ZNF609: variants seen among roughly 807,000 people sequenced by gnomAD.
The protein encoded by ZNF609 is zinc finger protein 609.
ZNF609 carries 11 observed loss-of-function variants against 109.5 expected under a neutral mutation model. The ratio of observed to expected loss-of-function variants is 0.10; its 90% confidence interval spans 0.06 to 0.17. ZNF609 has a LOEUF of 0.17. Ranked by LOEUF, ZNF609 falls within the 10% of genes least tolerant of loss-of-function variation. ZNF609 has a pLI of 1.00. For synonymous variants in ZNF609, 646 were observed against 662.0 expected, an observed-to-expected ratio of 0.98 and a Z score of 0.37; for missense variants, 1,559 against 1,772.4, an observed-to-expected ratio of 0.88 and a Z score of 2.16.
At chr15:64,581,800 A>G (rs1271563614) in intron 2 of ZNF609, among the ~76,000 whole-genome samples, 2 of 152,126 alleles carry the variant, frequency 1.3e-5, no homozygotes, top group Non-Finnish European at 2.9e-5. Flanking sequence ...ATGCTCTTAG[A>G]TTGTTGTAAG....
At chr15:64,590,486 T>A (rs1895274895) in intron 2 of ZNF609, among the ~76,000 whole-genome samples, 1 of 152,078 alleles carries the variant, frequency 6.6e-6, no homozygotes, top group African/African-American at 2.4e-5. Flanking sequence ...CACACCCAGC[T>A]AATTTTTGTG....
chr15:64,479,717 G>A (rs1893224948), intron 1 of ZNF609, among the ~76,000 whole-genome samples: 2 of 151,996 alleles, frequency 1.3e-5, no homozygotes, highest in South Asian at 2.1e-4. Context: ...TCAGGAGTTC[G>A]AGACTAGCCT....
chr15:64,540,751 T>A (rs936090390), intron 2 of ZNF609, among the ~76,000 whole-genome samples: 2 of 148,376 alleles, frequency 1.3e-5, no homozygotes, highest in Non-Finnish European at 3.0e-5. Flanking sequence ...TGTGTCTGGC[T>A]GGGCGCGGTG....
chr15:64,594,335 A>AT (rs35919259), intron 2 of ZNF609, among the ~76,000 whole-genome samples: 6,573 of 145,110 alleles, frequency 0.045, 457 homozygotes, highest in African/African-American at 0.15. Flanking sequence ...AATGCTCAAA[A>AT]TTTTTTTTTT....
chr15:64,645,024 C>CCTTCCTTTCTTCCTTCCTTTCTTT (rs1337933508), intron 3 of ZNF609, among the ~76,000 whole-genome samples: 12 of 141,532 alleles, frequency 8.5e-5, no homozygotes, highest in South Asian at 2.3e-4. Context: ...TTCCTTCCTT[C>CCTTCCTTTCTTCCTTCCTTTCTTT]CTTCCTTTCT....
At chr15:64,588,008 G>T (rs1051303265) in intron 2 of ZNF609, among the ~76,000 whole-genome samples, 6 of 151,694 alleles carry the variant, frequency 4.0e-5, no homozygotes, top group Non-Finnish European at 8.8e-5. Flanking sequence ...CCAAAGTGCT[G>T]AGATAACAGG....
At chr15:64,619,587 C>T (rs774932407) in intron 2 of ZNF609, among the ~76,000 whole-genome samples, 1 of 152,154 alleles carries the variant, frequency 6.6e-6, no homozygotes, top group Non-Finnish European at 1.5e-5. Flanking sequence ...TGGATTTCGT[C>T]GCTTCTCCCC....
At chr15:64,601,071 G>C (rs1895490443) in intron 2 of ZNF609, among the ~76,000 whole-genome samples, 1 of 152,090 alleles carries the variant, frequency 6.6e-6, no homozygotes, top group Non-Finnish European at 1.5e-5. Context: ...TTACCCAACA[G>C]GTTGCCAAGT....
At position 64,577,230 on chromosome 15, in the gene ZNF609, AATAC is replaced by A. The variant is rs201054451; in HGVS notation, c.748-45589_748-45586del. Among the ~76,000 whole-genome samples the A allele has an allele frequency of 0.023, 343 of 14,664 alleles. 51 individuals are homozygous for A. In the East Asian group the frequency reaches 0.25, roughly 11 times the overall value. The allele number at this position is 14,664 out of a possible 152,430, so 9.6% of individuals were successfully genotyped here. On this transcript the variant is annotated intron_variant, in intron 2 of 9. Transcript: ENST00000326648. ...ATATATATGTATATATATACACACA[AATAC>A]ATACATATATATGTATATATATACA...
rs115092858 is a variant in ZNF609 at position 64,527,941 on chromosome 15, A to C, written c.747+27775A>C. Among the ~76,000 whole-genome samples the C allele has an allele frequency of 2.4e-3, 365 of 152,274 alleles. 2 individuals are homozygous for C. Among genetic ancestry groups the C allele is most frequent in the African/African-American group, 8.5e-3 (352 of 41,550 alleles). ...TTTCCCACTTGTCATTCAGGATCCAACTTAAATATCACTTTCTCTTTACAG... is the reference window on the plus strand; with the variant it reads ...TTTCCCACTTGTCATTCAGGATCCACCTTAAATATCACTTTCTCTTTACAG... On this transcript the variant is annotated intron_variant, in intron 2 of 9. Coordinates refer to ENST00000326648, the MANE Select transcript of ZNF609 (RefSeq NM_015042.2).
intron 2 of ZNF609, among the ~76,000 whole-genome samples, chr15:64,565,232 G>GTATTATTATTAT (rs60734525): frequency 0.024 from 3,366 of 138,634 alleles, 117 homozygotes; most frequent in African/African-American, 0.069. Flanking sequence ...GCTAATTTTT[G>GTATTATTATTAT]TATTATTATT....
chr15:64,599,050 C>T (rs1895448662), intron 2 of ZNF609, among the ~76,000 whole-genome samples: 1 of 150,302 alleles, frequency 6.7e-6, no homozygotes, highest in Non-Finnish European at 1.5e-5. Context: ...CTCACATGAC[C>T]CCTTCAGATT....
At chr15:64,540,567 G>A (rs1233344247) in intron 2 of ZNF609, among the ~76,000 whole-genome samples, 1 of 151,702 alleles carries the variant, frequency 6.6e-6, no homozygotes, top group African/African-American at 2.4e-5. Context: ...ACTGTGCCCA[G>A]CTAATTTTTG....
intron 2 of ZNF609, among the ~76,000 whole-genome samples, chr15:64,538,773 C>T (rs1894196092): frequency 6.6e-6 from 1 of 151,886 alleles, no homozygotes; most frequent in African/African-American, 2.4e-5. Context: ...CTTGAACTCC[C>T]GACCTCAAGT....
At chr15:64,468,093 T>C (rs1040943594) in intron 1 of ZNF609, among the ~76,000 whole-genome samples, 1 of 151,496 alleles carries the variant, frequency 6.6e-6, no homozygotes, top group Non-Finnish European at 1.5e-5. Context: ...CACAGCTCAC[T>C]GCAGGCTCAA....
At chr15:64,479,284 A>ATTTTTTTTTTT (rs34496032) in intron 1 of ZNF609, among the ~76,000 whole-genome samples, 6 of 86,530 alleles carry the variant, frequency 6.9e-5, no homozygotes, top group African/African-American at 1.5e-4. Context: ...TACCTGTGTG[A>ATTTTTTTTTTT]TTTTTTTTTT....
chr15:64,681,118 T>C (rs1397449900), intron 8 of ZNF609, among the ~76,000 whole-genome samples, 191 bp from the exon 9 acceptor site: 1 of 152,138 alleles, frequency 6.6e-6, no homozygotes, highest in Non-Finnish European at 1.5e-5. Flanking sequence ...GTCAGAAGAA[T>C]ATGGAACAGG....
chr15:64,625,364 C>CA (rs957796703), intron 3 of ZNF609, among the ~76,000 whole-genome samples: 50 of 149,996 alleles, frequency 3.3e-4, no homozygotes, highest in East Asian at 7.9e-4. Flanking sequence ...ACTAAAAATA[C>CA]AAAAAAAAAG....
chr15:64,528,338 C>G (rs1894001423), intron 2 of ZNF609, among the ~76,000 whole-genome samples: 1 of 150,938 alleles, frequency 6.6e-6, no homozygotes, highest in Non-Finnish European at 1.5e-5. Context: ...ACCTCTTGAT[C>G]CAGAATCCTG....
Sources: gnomAD v4.1 joint callset for allele counts (sites outside exome capture counted in the v4.1 genomes callset) on GRCh38, gnomAD v4.1.1 for gene constraint, MANE v1.5 for transcripts, NCBI Gene and HGNC (gene_info 2026-07-23, HGNC 2026-07-21) for gene names.